TEAD1: variants seen among roughly 807,000 people sequenced by gnomAD.
TEAD1 encodes the protein TEA domain transcription factor 1, also known as transcriptional enhancer factor TEF-1.
TEAD1 carries 9 observed loss-of-function variants against 54.9 expected under a neutral mutation model. The observed-to-expected ratio is 0.16, with a 90% CI of 0.10 to 0.29. The LOEUF is 0.29. Among genes scored for constraint, TEAD1 ranks in the 10% least tolerant of loss-of-function variants. The pLI, the probability that TEAD1 is intolerant of heterozygous loss-of-function variation, is 1.00. For synonymous variants in TEAD1, 200 were observed against 187.8 expected (o/e 1.07, Z -0.53); for missense variants, 387 against 535.9 (o/e 0.72, Z 2.74).
At chr11:12,936,896 G>A (rs917309046) in intron 12 of TEAD1, among the ~76,000 whole-genome samples, 12 of 152,148 alleles carry the variant, frequency 7.9e-5, no homozygotes, top group South Asian at 2.1e-4. Context: ...ACCCTATCTA[G>A]AAGGTATTTC....
At chr11:12,840,088 A>G (rs1445507823) in intron 3 of TEAD1, among the ~76,000 whole-genome samples, 1 of 151,900 alleles carries the variant, frequency 6.6e-6, no homozygotes, top group Non-Finnish European at 1.5e-5. Context: ...TCTACTAAAA[A>G]TACAAAAAAT....
intron 2 of TEAD1, among the ~76,000 whole-genome samples, chr11:12,751,826 G>T (rs944208393): frequency 6.6e-6 from 1 of 152,154 alleles, no homozygotes; most frequent in Non-Finnish European, 1.5e-5. Flanking sequence ...TGTGGACTTA[G>T]GAATGAAACC....
chr11:12,863,337 C>A (rs1448427571), intron 4 of TEAD1, among the ~76,000 whole-genome samples: 1 of 152,128 alleles, frequency 6.6e-6, no homozygotes, highest in Non-Finnish European at 1.5e-5. Context: ...GCAGAGGCAG[C>A]GCATTGTCTG....
At chr11:12,731,946 C>T (rs1426021546) in intron 2 of TEAD1, among the ~76,000 whole-genome samples, 1 of 152,190 alleles carries the variant, frequency 6.6e-6, no homozygotes, top group South Asian at 2.1e-4. Context: ...CCCTGAATGC[C>T]ACATTTCTAA....
intron 9 of TEAD1, among the ~76,000 whole-genome samples, chr11:12,899,014 A>G (rs939674062): frequency 1.3e-5 from 2 of 152,172 alleles, no homozygotes; most frequent in African/African-American, 4.8e-5. Flanking sequence ...GTTAAGCACA[A>G]AGACTTCAAG....
At chr11:12,881,101 C>G in intron 7 of TEAD1, 50 bp downstream of exon 7, 1 of 1,599,210 alleles carries the variant, frequency 6.3e-7, no homozygotes, top group Admixed American at 1.7e-5. Flanking sequence ...GGTCCCAGCC[C>G]ACGTGGGGAG....
At chr11:12,851,057 T>C in intron 3 of TEAD1, 2 of 964,472 alleles carry the variant, frequency 2.1e-6, no homozygotes, top group Non-Finnish European at 2.5e-6. Flanking sequence ...CTAGATCTTT[T>C]CTTCGGATTT....
chr11:12,816,111 G>T (rs2133995541), intron 3 of TEAD1, among the ~76,000 whole-genome samples: 1 of 152,360 alleles, frequency 6.6e-6, no homozygotes, highest in African/African-American at 2.4e-5. Context: ...TCACGGGGGT[G>T]CTGATGCCAG....
At chr11:12,796,745 C>T (rs939542071) in intron 3 of TEAD1, among the ~76,000 whole-genome samples, 3 of 151,350 alleles carry the variant, frequency 2.0e-5, no homozygotes, top group African/African-American at 4.9e-5. Flanking sequence ...AAAAATTTAG[C>T]AATTCTTGTT....
At chr11:12,731,616 C>T (rs1479648970) in intron 2 of TEAD1, among the ~76,000 whole-genome samples, 1 of 152,054 alleles carries the variant, frequency 6.6e-6, no homozygotes. Context: ...GATATTTTGT[C>T]AGTTCCTTCT....
At chr11:12,713,513 G>A (rs1263844070) in intron 2 of TEAD1, among the ~76,000 whole-genome samples, 4 of 152,150 alleles carry the variant, frequency 2.6e-5, no homozygotes, top group African/African-American at 4.8e-5. Flanking sequence ...TTAAAAGTAG[G>A]ACTTCTATTA....
At chr11:12,824,451 G>C (rs1946611332) in intron 3 of TEAD1, among the ~76,000 whole-genome samples, 1 of 152,188 alleles carries the variant, frequency 6.6e-6, no homozygotes, top group South Asian at 2.1e-4. Context: ...TCTTGCTGGG[G>C]AATCTAAACT....
chr11:12,772,649 C>A lies in TEAD1; in HGVS notation c.202+8215C>A, dbSNP rs557554380. Among the ~76,000 whole-genome samples the A allele has an allele frequency of 2.6e-5, 4 of 152,276 alleles. No individual in the cohort carries two copies. The East Asian group carries it at 7.7e-4, about 29-fold the overall frequency. ...TTTTTGTTGAGATACTGTAGATTCA[C>A]ATGCAATGGTAAGAAATAATACCCA... On this transcript the variant is annotated intron_variant, in intron 3 of 12. Coordinates refer to ENST00000527636, the MANE Select transcript of TEAD1 (RefSeq NM_021961.6).
chr11:12,718,559 A>G (rs1241718973), intron 2 of TEAD1, among the ~76,000 whole-genome samples: 1 of 151,998 alleles, frequency 6.6e-6, no homozygotes, highest in Non-Finnish European at 1.5e-5. Flanking sequence ...GTTTTTCCAT[A>G]AAGACATTTC....
chr11:12,936,036 G>A (rs778937755), intron 12 of TEAD1, among the ~76,000 whole-genome samples: 1 of 152,174 alleles, frequency 6.6e-6, no homozygotes, highest in Admixed American at 6.5e-5. Context: ...AGGGAAATTA[G>A]GCCTATAACA....
chr11:12,751,936 C>T (rs1944879514), intron 2 of TEAD1, among the ~76,000 whole-genome samples: 1 of 152,172 alleles, frequency 6.6e-6, no homozygotes, highest in Non-Finnish European at 1.5e-5. Flanking sequence ...AGGCCAATGG[C>T]TTGACCACGA....
At chr11:12,714,493 A>C (rs1280862303) in intron 2 of TEAD1, among the ~76,000 whole-genome samples, 3 of 152,108 alleles carry the variant, frequency 2.0e-5, no homozygotes, top group Non-Finnish European at 2.9e-5. Flanking sequence ...TATAGAGACA[A>C]GGTTTCACCA....
chr11:12,753,276 C>G (rs904768515), intron 2 of TEAD1, among the ~76,000 whole-genome samples: 1 of 152,194 alleles, frequency 6.6e-6, no homozygotes, highest in Non-Finnish European at 1.5e-5. Context: ...TTTAGCATCT[C>G]TACCTGGGAT....
At position 12,696,267 on chromosome 11, in the gene TEAD1, C is replaced by T. The variant is rs576382679; in HGVS notation, c.-55+20706C>T. Among the ~76,000 whole-genome samples the T allele has an allele frequency of 6.6e-5, 10 of 152,298 alleles. No homozygotes were observed. The East Asian group carries it at 1.9e-3, about 29-fold the overall frequency. On this transcript the variant is annotated intron_variant, in intron 2 of 12. Transcript: ENST00000527636. ...TAGATACTTTCTATAGTAGGACCAG[C>T]TCACCCACCTTTTCTTGGATCAAAG...
Sources: allele counts gnomAD v4.1 joint callset (sites outside exome capture counted in the v4.1 genomes callset), GRCh38; gene constraint gnomAD v4.1.1; transcripts MANE v1.5; gene names NCBI Gene and HGNC (gene_info 2026-07-23, HGNC 2026-07-21).